Variants in RABGAP1L observed in about 807,000 individuals in gnomAD.
The protein encoded by RABGAP1L is rab GTPase-activating protein 1-like.
Under a neutral mutation model 137.7 loss-of-function variants are expected in RABGAP1L, and 63 were observed. The ratio of observed to expected loss-of-function variants is 0.46; its 90% CI spans 0.37 to 0.56. RABGAP1L has a LOEUF of 0.56. RABGAP1L is among the 20% of genes least tolerant of loss of function. The probability of loss-of-function intolerance (pLI) is 0.00; values close to 1 mark genes in which losing one functional copy is unlikely to be tolerated. For missense variants in RABGAP1L, 1,095 were observed against 1,244.0 expected (o/e 0.88, Z 1.80); for synonymous variants, 431 against 433.7 (o/e 0.99, Z 0.08).
intron 13 of RABGAP1L, among the ~76,000 whole-genome samples, chr1:174,400,465 A>G (rs1325961377): frequency 6.6e-6 from 1 of 152,138 alleles, no homozygotes; most frequent in Non-Finnish European, 1.5e-5. Context: ...ATTCTAGATG[A>G]TAAATAAAAT....
At chr1:174,361,678 G>A (rs1441297091) in intron 11 of RABGAP1L, among the ~76,000 whole-genome samples, 2 of 151,976 alleles carry the variant, frequency 1.3e-5, no homozygotes, top group Non-Finnish European at 2.9e-5. Context: ...GGTTTTTTTA[G>A]TGGAGACTTC....
chr1:174,184,247 A>G (rs1666621562), intron 1 of RABGAP1L, among the ~76,000 whole-genome samples: 2 of 152,194 alleles, frequency 1.3e-5, no homozygotes, highest in African/African-American at 4.8e-5. Context: ...CTTAGCATGG[A>G]ATAGTATTAC....
At chr1:174,328,012 T>TATAC in intron 11 of RABGAP1L, among the ~76,000 whole-genome samples, 1 of 120,964 alleles carries the variant, frequency 8.3e-6, no homozygotes, top group African/African-American at 4.1e-5. Context: ...TATATATATA[T>TATAC]ATATATATAT....
intron 13 of RABGAP1L, among the ~76,000 whole-genome samples, chr1:174,601,750 T>G (rs1572466147): frequency 6.6e-6 from 1 of 152,210 alleles, no homozygotes; most frequent in South Asian, 2.1e-4. Context: ...TAAAACAGAA[T>G]GCTTTTAAAA....
intron 13 of RABGAP1L, among the ~76,000 whole-genome samples, chr1:174,533,852 A>G (rs768763519): frequency 5.3e-5 from 8 of 151,966 alleles, no homozygotes; most frequent in Non-Finnish European, 8.8e-5. Context: ...TTGTATTTTT[A>G]TTAGAGATGA....
At chr1:174,717,132 A>T (rs911647933) in intron 17 of RABGAP1L, among the ~76,000 whole-genome samples, 1 of 152,188 alleles carries the variant, frequency 6.6e-6, no homozygotes, top group Non-Finnish European at 1.5e-5. Flanking sequence ...ATTTTAGGCC[A>T]GGTGCAGTGG....
At chr1:174,291,463 G>A (rs1415672086) in intron 10 of RABGAP1L, among the ~76,000 whole-genome samples, 1 of 151,848 alleles carries the variant, frequency 6.6e-6, no homozygotes, top group East Asian at 1.9e-4. Context: ...ATGTAGTATG[G>A]TACCTCAAAA....
At chr1:174,514,017 CT>C (rs1165345666) in intron 13 of RABGAP1L, among the ~76,000 whole-genome samples, 1 of 151,960 alleles carries the variant, frequency 6.6e-6, no homozygotes, top group Non-Finnish European at 1.5e-5. Context: ...GCACTGAATG[CT>C]GCTGTTCTTT....
intron 11 of RABGAP1L, among the ~76,000 whole-genome samples, chr1:174,337,937 A>G (rs1231009279): frequency 6.6e-6 from 1 of 152,162 alleles, no homozygotes; most frequent in Non-Finnish European, 1.5e-5. Flanking sequence ...AAACAGTTTA[A>G]ATCATTACAG....
In RABGAP1L at chr1:174,894,657, G is replaced by T. The variant is rs545024430; in HGVS notation, c.2341-62800G>T. Among the ~76,000 whole-genome samples, 53 of 152,264 alleles carry T rather than the reference G, an allele frequency of 3.5e-4. 1 individual carries two copies. The highest frequency in any genetic ancestry group is 8.8e-5 in the Non-Finnish European group (6 of 68,030). ...TGCTCACATTTCCTGATTATGGATC[G>T]AAATGGAGCTTGGAGCACTACATTT... is the stretch of plus-strand genomic sequence containing the variant. On this transcript the variant is annotated intron_variant, in intron 19 of 25. Coordinates refer to ENST00000681986, the MANE Select transcript of RABGAP1L (RefSeq NM_001366446.1).
At chr1:174,646,674 G>C (rs1674992935) in intron 14 of RABGAP1L, among the ~76,000 whole-genome samples, 1 of 152,104 alleles carries the variant, frequency 6.6e-6, no homozygotes, top group African/African-American at 2.4e-5. Context: ...TATTTGCTTA[G>C]GATTGTCTTG....
intron 13 of RABGAP1L, among the ~76,000 whole-genome samples, chr1:174,619,180 C>G (rs180996134): frequency 2.6e-5 from 4 of 152,196 alleles, no homozygotes; most frequent in African/African-American, 9.6e-5. Flanking sequence ...TACCTGAAAG[C>G]GACGGGGAGA....
At chr1:174,853,153 G>T (rs1309940917) in intron 19 of RABGAP1L, among the ~76,000 whole-genome samples, 1 of 150,856 alleles carries the variant, frequency 6.6e-6, no homozygotes, top group African/African-American at 2.4e-5. Context: ...ATCACTGATT[G>T]GTGTCTCAAT....
intron 15 of RABGAP1L, among the ~76,000 whole-genome samples, chr1:174,696,017 C>T (rs1679229447): frequency 6.6e-6 from 1 of 152,134 alleles, no homozygotes; most frequent in African/African-American, 2.4e-5. Flanking sequence ...GCACTAGCCA[C>T]CACAGCTGGG....
At chr1:174,387,077 A>G (rs1165601681) in intron 12 of RABGAP1L, among the ~76,000 whole-genome samples, 1 of 152,232 alleles carries the variant, frequency 6.6e-6, no homozygotes, top group East Asian at 1.9e-4. Flanking sequence ...TCTTAGAGTT[A>G]CATAGAAAAC....
intron 11 of RABGAP1L, among the ~76,000 whole-genome samples, chr1:174,358,292 A>G (rs1229693301): frequency 6.6e-6 from 1 of 152,204 alleles, no homozygotes; most frequent in Non-Finnish European, 1.5e-5. Flanking sequence ...AGGTCCATTT[A>G]TGCAAATGAA....
intron 19 of RABGAP1L, among the ~76,000 whole-genome samples, chr1:174,871,725 A>T (rs1652230311): frequency 6.6e-6 from 1 of 152,222 alleles, no homozygotes; most frequent in African/African-American, 2.4e-5. Flanking sequence ...TTTGATTGTT[A>T]GTGAAATGTT....
intron 11 of RABGAP1L, among the ~76,000 whole-genome samples, chr1:174,327,998 T>TACACATAC (rs1558136354): frequency 1.1e-5 from 1 of 90,144 alleles, no homozygotes; most frequent in African/African-American, 5.1e-5. Context: ...TATATATATA[T>TACACATAC]ATATATATAT....
At chr1:174,240,491 AC>A (rs1313920397) in intron 4 of RABGAP1L, among the ~76,000 whole-genome samples, 1 of 152,134 alleles carries the variant, frequency 6.6e-6, no homozygotes, top group African/African-American at 2.4e-5. Flanking sequence ...CAAGTGATCC[AC>A]CCATCTCGAC....
Sources: allele counts gnomAD v4.1 joint callset (sites outside exome capture counted in the v4.1 genomes callset), GRCh38; gene constraint gnomAD v4.1.1; transcripts MANE v1.5; gene names NCBI Gene and HGNC (gene_info 2026-07-23, HGNC 2026-07-21).